Variants in XPC observed in about 807,000 individuals in gnomAD.
The protein encoded by XPC is XPC complex subunit, DNA damage recognition and repair factor.
In XPC, 76 loss-of-function variants were observed where a neutral mutation model predicts 95.8. The observed-to-expected ratio is 0.79, with a 90% confidence interval of 0.66 to 0.96. The LOEUF (loss-of-function observed/expected upper bound fraction) is 0.96, where lower values mean the gene tolerates loss of function less well. Ranked by LOEUF, XPC falls within the 40% of genes least tolerant of loss-of-function variation. The pLI is 0.00. For missense variants in XPC, 1,146 were observed against 1,179.8 expected, an observed-to-expected ratio of 0.97 and a Z score of 0.42; for synonymous variants, 442 against 442.1, an observed-to-expected ratio of 1.00 and a Z score of 0.00.
intron 7 of XPC, among the ~76,000 whole-genome samples, chr3:14,160,470 G>A (rs192223068): frequency 4.9e-4 from 74 of 152,344 alleles, no homozygotes; most frequent in African/African-American, 1.6e-3. Context: ...CGGGTCTCCA[G>A]GTCCCAGCAT....
chr3:14,145,815 G>T lies in XPC; in HGVS notation c.*126C>A. 8.2e-7 allele frequency: 1 copy of T among 1,213,388 alleles called. No individual in the cohort carries two copies. Among genetic ancestry groups the T allele is most frequent in the Non-Finnish European group, 1.2e-6 (1 of 845,574 alleles). The allele number at this position is 1,213,388 out of a possible 1,614,324, so 75.2% of individuals were successfully genotyped here. ...CTCCCCTGACCCCGCCTCCGTGCAT[G>T]CTGCCTCAGTTTGCCTTCTCAGCAG... On this transcript the variant is annotated 3_prime_UTR_variant, in exon 16 of 16. Transcript: ENST00000285021.
At position 14,145,243 on chromosome 3, in the gene XPC, T is replaced by C; in HGVS notation, c.*698A>G. The C allele has an allele frequency of 1.5e-6, 1 of 660,076 alleles. No individual in the cohort carries two copies. The highest frequency in any genetic ancestry group is 1.7e-5 in the South Asian group (1 of 60,192). 40.9% of individuals were successfully genotyped at this position (660,076 alleles called of 1,614,324 possible). On this transcript the variant is annotated 3_prime_UTR_variant, in exon 16 of 16. Transcript: ENST00000285021. ...ACATTTTATCTAGTAATGAATACAA[T>C]CTAGTTTAACACTCATCTATTTTAC...
chr3:14,150,631 G>C (rs1027287035), intron 11 of XPC, among the ~76,000 whole-genome samples: 5 of 152,218 alleles, frequency 3.3e-5, no homozygotes, highest in Admixed American at 6.5e-5. Flanking sequence ...TTGCTCTTAG[G>C]AGCTCAGGCT....
chr3:14,165,025 G>C (rs568786064), intron 6 of XPC, 92 bp from the exon 7 acceptor site: 3 of 1,490,652 alleles, frequency 2.0e-6, no homozygotes, highest in Non-Finnish European at 2.7e-6. Flanking sequence ...GGAGTGAATC[G>C]TGAGACCCGC....
rs746712199 is a variant in XPC, at chr3:14,164,869, T to C, written c.844A>G (p.Thr282Ala). The C allele has an allele frequency of 5.0e-6, 8 of 1,612,928 alleles. No individual in the cohort carries two copies. The highest frequency in any genetic ancestry group is 6.8e-6 in the Non-Finnish European group (8 of 1,179,484). ...SASEQDNLQT[T>A]LERRFAIYSA... ...TAAATAGCAAATCTCCTTTCCAATGTAGTCTGCAGGTTATCTTGTTCACTG... is the reference window on the plus strand; with the variant it reads ...TAAATAGCAAATCTCCTTTCCAATGCAGTCTGCAGGTTATCTTGTTCACTG... The change falls in exon 7 of 16, where the codon ACA (threonine) becomes GCA (alanine). Residue 282 changes from threonine (T) to alanine (A), a missense_variant. Coordinates refer to ENST00000285021, the MANE Select transcript of XPC (RefSeq NM_004628.5).
chr3:14,150,104 A>C (rs1017381667), intron 11 of XPC: 7 of 152,322 alleles, frequency 4.6e-5, no homozygotes, highest in Non-Finnish European at 8.8e-5. Context: ...AAGCACTGAC[A>C]GTTCAGGACT....
chr3:14,146,561 C>T (rs1466104247), intron 15 of XPC, among the ~76,000 whole-genome samples: 1 of 152,152 alleles, frequency 6.6e-6, no homozygotes, highest in Admixed American at 6.5e-5. Flanking sequence ...AGATCTGAGG[C>T]GGCACTCCCT....
chr3:14,166,713 T>C (rs1298514256), intron 5 of XPC, among the ~76,000 whole-genome samples: 1 of 152,206 alleles, frequency 6.6e-6, no homozygotes, highest in East Asian at 1.9e-4. Flanking sequence ...TGAGTTTCTC[T>C]GTTTGGAAGT....
At chr3:14,148,208 G>C in intron 13 of XPC, 1 of 587,948 alleles carries the variant, frequency 1.7e-6, no homozygotes, top group Non-Finnish European at 3.0e-6. Context: ...TTCTGCCGAA[G>C]AAAGCTGGGG....
intron 7 of XPC, chr3:14,164,446 A>G (rs1696289599): frequency 4.9e-6 from 1 of 202,106 alleles, no homozygotes; most frequent in Admixed American, 6.4e-5. Context: ...GGACTTCAGC[A>G]TCCAATTTGA....
At chr3:14,153,836 G>A (rs1695794107) in intron 10 of XPC, among the ~76,000 whole-genome samples, 2 of 152,346 alleles carry the variant, frequency 1.3e-5, no homozygotes, top group African/African-American at 2.4e-5. Context: ...AGGACCAGAC[G>A]TTTCCTGTGT....
intron 15 of XPC, among the ~76,000 whole-genome samples, chr3:14,146,571 T>A (rs1574947278): frequency 6.6e-6 from 1 of 152,168 alleles, no homozygotes. Flanking sequence ...CGGCACTCCC[T>A]GCCAGCTGGG....
At chr3:14,177,158 T>C (rs914048501) in intron 1 of XPC, among the ~76,000 whole-genome samples, 2 of 152,150 alleles carry the variant, frequency 1.3e-5, no homozygotes, top group African/African-American at 2.4e-5. Context: ...CATCCACAGA[T>C]TCAACCAACC....
chr3:14,175,918 T>C (rs1696796995), intron 1 of XPC, among the ~76,000 whole-genome samples: 1 of 152,226 alleles, frequency 6.6e-6, no homozygotes, highest in Admixed American at 6.5e-5. Flanking sequence ...CCTTGGGAAC[T>C]GACTGCTAGC....
At chr3:14,170,577 T>C (rs1559383193) in intron 2 of XPC, 27 bp from the exon 3 acceptor site, 1 of 1,544,384 alleles carries the variant, frequency 6.5e-7, no homozygotes, top group Admixed American at 1.9e-5. Context: ...GGAAGGAAGA[T>C]GAAGAAGACT....
At chr3:14,177,071 G>A (rs1423590587) in intron 1 of XPC, among the ~76,000 whole-genome samples, 1 of 151,612 alleles carries the variant, frequency 6.6e-6, no homozygotes, top group African/African-American at 2.4e-5. Context: ...GCGACAGAGT[G>A]AGACACTGTC....
intron 1 of XPC, 56 bp downstream of exon 1, chr3:14,178,410 G>C: frequency 6.5e-7 from 1 of 1,542,532 alleles, no homozygotes; most frequent in Non-Finnish European, 8.7e-7. Flanking sequence ...CTGCCTCTGG[G>C]CCTCCTCCGC....
intron 7 of XPC, among the ~76,000 whole-genome samples, chr3:14,163,402 G>A (rs1696241256): frequency 1.3e-5 from 2 of 152,144 alleles, no homozygotes; most frequent in Admixed American, 6.5e-5. Context: ...AACATGTAAT[G>A]GAATATTATT....
chr3:14,168,122 A>G (rs1247128507), intron 4 of XPC, 135 bp downstream of exon 4: 8 of 1,234,864 alleles, frequency 6.5e-6, no homozygotes, highest in Non-Finnish European at 8.7e-6. Flanking sequence ...AAGGTAAATC[A>G]GGTTCCTGAC....
Sources: gnomAD v4.1 joint callset for allele counts (sites outside exome capture counted in the v4.1 genomes callset) on GRCh38, gnomAD v4.1.1 for gene constraint, MANE v1.5 for transcripts, NCBI Gene and HGNC (gene_info 2026-07-23, HGNC 2026-07-21) for gene names.